The following FAM162B variants were observed in gnomAD, a reference collection of about 807,000 sequenced individuals.
The protein encoded by FAM162B is family with sequence similarity 162 member B, also known as protein FAM162B.
FAM162B carries 16 observed loss-of-function variants against 20.0 expected under a neutral mutation model. That is an observed-to-expected ratio of 0.80 (90% CI 0.54 to 1.21). The LOEUF is 1.21. Among genes scored for constraint, FAM162B ranks in the 50% most tolerant of loss-of-function variants. The pLI is 0.00. For missense variants in FAM162B, 260 were observed against 227.5 expected (o/e 1.14, Z -0.92); for synonymous variants, 83 against 89.7 (o/e 0.93, Z 0.42).
chr6:116,755,820 C>T (rs150854230), intron 3 of FAM162B, among the ~76,000 whole-genome samples: 219 of 152,182 alleles, frequency 1.4e-3, no homozygotes, highest in African/African-American at 5.1e-3. Context: ...GCCTGTGCCA[C>T]GAATGGAATA....
chr6:116,759,238 G>A (rs1036090035), intron 3 of FAM162B, among the ~76,000 whole-genome samples: 2 of 150,032 alleles, frequency 1.3e-5, no homozygotes, highest in African/African-American at 2.5e-5. Flanking sequence ...TCATTCTTAC[G>A]TGCCTTACCT....
At chr6:116,758,356 A>T (rs995939216) in intron 3 of FAM162B, among the ~76,000 whole-genome samples, 1 of 152,190 alleles carries the variant, frequency 6.6e-6, no homozygotes, top group Non-Finnish European at 1.5e-5. Flanking sequence ...TCCTGTGTTT[A>T]AGAGGCATGT....
chr6:116,754,360 T>C lies in FAM162B; in HGVS notation c.391-1665A>G, dbSNP rs535574441. Reference sequence around the variant, plus strand: ...GAAAATATTTGCTAATCAAGCAGAATTGTCAACTGCTTCCCCAAAATGTAA... The same window carrying C: ...GAAAATATTTGCTAATCAAGCAGAACTGTCAACTGCTTCCCCAAAATGTAA... On this transcript the variant is annotated intron_variant, in intron 3 of 3. Transcript: ENST00000368557. Among the ~76,000 whole-genome samples, 6 of 152,274 alleles carry C rather than the reference T, an allele frequency of 3.9e-5. No homozygotes were observed. The East Asian group carries it at 1.2e-3, about 29-fold the overall frequency.
Position 116,752,709 on chromosome 6 carries a change from GAAATAT to G in FAM162B, c.391-20_391-15del. The G allele has an allele frequency of 1.1e-6, 1 of 942,776 alleles. No homozygotes were observed. The highest frequency in any genetic ancestry group is 1.5e-6 in the Non-Finnish European group (1 of 673,142). The allele number at this position is 942,776 out of a possible 1,614,324, so 58.4% of individuals were successfully genotyped here. A position where few individuals can be genotyped will look rare whatever the true frequency, so the allele number is the denominator to read the frequency against. ...TCGTTCTACAGCCTGTGGGGGGGAA[GAAATAT>G]ATATATATATATATATATAGATACA... On this transcript the variant is annotated splice_polypyrimidine_tract_variant and intron_variant, in intron 3 of 3. Coordinates refer to ENST00000368557, the MANE Select transcript of FAM162B (RefSeq NM_001085480.3).
intron 3 of FAM162B, among the ~76,000 whole-genome samples, chr6:116,760,693 A>G (rs1780130496): frequency 6.6e-6 from 1 of 152,238 alleles, no homozygotes; most frequent in African/African-American, 2.4e-5. Context: ...ATTTATTTAC[A>G]TGCTTGAGTG....
chr6:116,756,332 T>C (rs1416721140), intron 3 of FAM162B, among the ~76,000 whole-genome samples: 2 of 152,198 alleles, frequency 1.3e-5, no homozygotes, highest in Non-Finnish European at 2.9e-5. Context: ...TGTGGTGGAA[T>C]AGCAACAGAA....
rs775876517 is a variant in FAM162B, at chr6:116,752,716, A to ACG, written c.391-22_391-21insCG. 1.1e-5 allele frequency: 3 copies of ACG among 281,592 alleles called. No individual in the cohort carries two copies. The East Asian group carries it at 3.0e-4, about 28-fold the overall frequency. The allele number at this position is 281,592 out of a possible 1,614,324, so 17.4% of individuals were successfully genotyped here. A position where few individuals can be genotyped will look rare whatever the true frequency, so the allele number is the denominator to read the frequency against. On this transcript the variant is annotated intron_variant, in intron 3 of 3. Coordinates refer to ENST00000368557, the MANE Select transcript of FAM162B (RefSeq NM_001085480.3). ...ACAGCCTGTGGGGGGGAAGAAATAT[A>ACG]TATATATATATATATATAGATACAC...
chr6:116,764,160 T>TA (rs1216961699), intron 2 of FAM162B, among the ~76,000 whole-genome samples: 1 of 152,164 alleles, frequency 6.6e-6, no homozygotes, highest in Non-Finnish European at 1.5e-5. Flanking sequence ...CAATTGTTTA[T>TA]AAACAATAAC....
chr6:116,756,022 C>G (rs1480581232), intron 3 of FAM162B, among the ~76,000 whole-genome samples: 1 of 152,192 alleles, frequency 6.6e-6, no homozygotes, highest in Non-Finnish European at 1.5e-5. Flanking sequence ...GCTAACACAA[C>G]ATCCATTCTT....
At chr6:116,764,016 C>G (rs1771856135) in intron 2 of FAM162B, among the ~76,000 whole-genome samples, 1 of 152,066 alleles carries the variant, frequency 6.6e-6, no homozygotes, top group East Asian at 1.9e-4. Context: ...ATTCCATGTC[C>G]ATTTCTCATT....
chr6:116,764,935 T>C (rs569067893), intron 2 of FAM162B, among the ~76,000 whole-genome samples: 10 of 152,228 alleles, frequency 6.6e-5, no homozygotes, highest in Non-Finnish European at 1.3e-4. Flanking sequence ...ACCCACCTTC[T>C]GCAATCTCCC....
At position 116,765,592 on chromosome 6, in the gene FAM162B, C is replaced by G; in HGVS notation, c.-16G>C. ...CCCTGAGCATGCTGCCCGCTTGTCC[C>G]GCGCCGCACCCGCACCTCCGGACCC... On this transcript the variant is annotated 5_prime_UTR_variant, in exon 1 of 4. Coordinates refer to ENST00000368557, the MANE Select transcript of FAM162B (RefSeq NM_001085480.3). 7.6e-7 allele frequency: 1 copy of G among 1,311,984 alleles called. No homozygotes were observed. Among genetic ancestry groups the G allele is most frequent in the Non-Finnish European group, 9.6e-7 (1 of 1,037,452 alleles). The allele number at this position is 1,311,984 out of a possible 1,614,324, so 81.3% of individuals were successfully genotyped here.
chr6:116,754,207 A>C (rs1458683041), intron 3 of FAM162B, among the ~76,000 whole-genome samples: 1 of 152,184 alleles, frequency 6.6e-6, no homozygotes, highest in Non-Finnish European at 1.5e-5. Flanking sequence ...AAGTGCAGGG[A>C]GACCAAATTC....
In FAM162B at chr6:116,762,074, A is replaced by G. The variant is rs757119929; in HGVS notation, c.293T>C (p.Ile98Thr). The change falls in exon 3 of 4, where the codon ATA (isoleucine) becomes ACA (threonine). Residue 98 changes from isoleucine to threonine, a missense_variant. Coordinates refer to ENST00000368557, the MANE Select transcript of FAM162B (RefSeq NM_001085480.3). ...EIPPRIPPEM[I>T]DTARNKARVK... ...TCGAGCTTTGTTTCTTGCGGTGTCT[A>G]TCATTTCTGGCCTAAACAAAGATGT... The G allele has an allele frequency of 9.5e-6, 15 of 1,584,446 alleles. No homozygotes were observed. In the African/African-American group the frequency reaches 1.6e-4, roughly 17 times the overall value.
Position 116,752,699 on chromosome 6 carries a change from T to C in FAM162B, c.391-4A>G. On this transcript the variant is annotated splice_region_variant and splice_polypyrimidine_tract_variant and intron_variant, in intron 3 of 3. Coordinates refer to ENST00000368557, the MANE Select transcript of FAM162B (RefSeq NM_001085480.3). ...AGGATTCATGTCGTTCTACAGCCTG[T>C]GGGGGGGAAGAAATATATATATATA... 7.0e-7 allele frequency: 1 copy of C among 1,430,370 alleles called. No homozygotes were observed. Among genetic ancestry groups the C allele is most frequent in the Non-Finnish European group, 9.4e-7 (1 of 1,060,914 alleles). 88.6% of individuals were successfully genotyped at this position (1,430,370 alleles called of 1,614,324 possible).
intron 3 of FAM162B, 31 bp from the exon 4 acceptor site, chr6:116,752,726 A>ATG: frequency 1.6e-6 from 1 of 632,202 alleles, no homozygotes; most frequent in Non-Finnish European, 2.3e-6. Flanking sequence ...ATATATATAT[A>ATG]TATATATAGA....
chr6:116,760,239 A>ACTCAATT (rs1246791171), intron 3 of FAM162B, among the ~76,000 whole-genome samples: 4 of 152,204 alleles, frequency 2.6e-5, no homozygotes, highest in Non-Finnish European at 5.9e-5. Flanking sequence ...TACACATAAA[A>ACTCAATT]CTCAATTCTC....
rs757461957 is a variant in FAM162B at position 116,761,992 on chromosome 6, TATCACAGCAAAGCAGGCGATAATTGTG to T, written c.348_374del (p.Thr117_Ile125del). 275 of 1,598,412 alleles carry T rather than the reference TATCACAGCAAAGCAGGCGATAATTGTG, an allele frequency of 1.7e-4. No individual in the cohort carries two copies. The highest frequency in any genetic ancestry group is 1.6e-4 in the Non-Finnish European group (185 of 1,168,414). ...AGATACTCACCCTTTTGGCTGACAC[TATCACAGCAAAGCAGGCGATAATTGTG>T]AGTCCAATCATTATGTAACAAGCTT... is the stretch of plus-strand genomic sequence containing the variant. On this transcript the variant is annotated inframe_deletion, in exon 3 of 4. Coordinates refer to ENST00000368557, the MANE Select transcript of FAM162B (RefSeq NM_001085480.3).
At chr6:116,758,479 CTTAG>C (rs1349084845) in intron 3 of FAM162B, among the ~76,000 whole-genome samples, 4 of 151,988 alleles carry the variant, frequency 2.6e-5, no homozygotes, top group Admixed American at 2.6e-4. Context: ...AAAATTAGCT[CTTAG>C]TTTGTGATCT....
Sources: gnomAD v4.1 joint callset for allele counts (sites outside exome capture counted in the v4.1 genomes callset) on GRCh38, gnomAD v4.1.1 for gene constraint, MANE v1.5 for transcripts, NCBI Gene and HGNC (gene_info 2026-07-23, HGNC 2026-07-21) for gene names.